POLR2D: variants seen among roughly 807,000 people sequenced by gnomAD.
The protein encoded by POLR2D is RNA polymerase II subunit D.
Under a neutral mutation model 17.6 loss-of-function variants are expected in POLR2D, and 10 were observed. That is an observed-to-expected ratio of 0.57 (90% confidence interval 0.35 to 0.96). POLR2D has a LOEUF of 0.96. Ranked by LOEUF, POLR2D falls within the 40% of genes least tolerant of loss-of-function variation. The pLI, the probability that POLR2D is intolerant of heterozygous loss-of-function variation, is 0.02. For synonymous variants in POLR2D, 52 were observed against 60.2 expected (o/e 0.86, Z 0.63); for missense variants, 126 against 176.4 (o/e 0.71, Z 1.62).
At chr2:127,858,007 T>C (rs745381892) in intron 1 of POLR2D, 21 bp downstream of exon 1, 2 of 1,574,524 alleles carry the variant, frequency 1.3e-6, no homozygotes, top group Non-Finnish European at 1.7e-6. Flanking sequence ...CGCGGGGGAG[T>C]CTGGCAGCCC....
chr2:127,857,766 C>A, intron 1 of POLR2D: 2 of 1,264,994 alleles, frequency 1.6e-6, no homozygotes, highest in East Asian at 6.9e-5. Flanking sequence ...CTGTCCTTAC[C>A]ACCTGAGTGT....
chr2:127,856,790 C>G (rs911481891), intron 1 of POLR2D: 1 of 151,924 alleles, frequency 6.6e-6, no homozygotes, highest in South Asian at 2.1e-4. Flanking sequence ...AATCCCAGCA[C>G]TCTGGGAGGC....
Position 127,858,140 on chromosome 2 carries a change from A to G in POLR2D, c.-40T>C, listed in dbSNP as rs1285134330. 7 of 1,400,870 alleles carry G rather than the reference A, an allele frequency of 5.0e-6. No individual in the cohort carries two copies. The highest frequency in any genetic ancestry group is 6.5e-6 in the Non-Finnish European group (7 of 1,072,196). The allele number at this position is 1,400,870 out of a possible 1,614,324, so 86.8% of individuals were successfully genotyped here. ...GCGCGCCACCACCAGCGCCGCCGGA[A>G]GCAGAAGCGCGGAGCAACGGCCGCG... On this transcript the variant is annotated 5_prime_UTR_variant, in exon 1 of 4. Coordinates refer to ENST00000272645, the MANE Select transcript of POLR2D (RefSeq NM_004805.4).
Position 127,847,850 on chromosome 2 carries a change from C to T in POLR2D, c.*257G>A. On this transcript the variant is annotated 3_prime_UTR_variant, in exon 4 of 4. Coordinates refer to ENST00000272645, the MANE Select transcript of POLR2D (RefSeq NM_004805.4). ...AGTCAACAGTGTGGTTATGTGACCC[C>T]TCATCTCACACTTCGCAGAGGCACG... The T allele has an allele frequency of 2.0e-6, 1 of 498,974 alleles. No individual in the cohort carries two copies. Among genetic ancestry groups the T allele is most frequent in the South Asian group, 2.1e-5 (1 of 46,850 alleles). The allele number at this position is 498,974 out of a possible 1,614,324, so 30.9% of individuals were successfully genotyped here.
Position 127,847,633 on chromosome 2 carries a change from TA to T in POLR2D, c.*473del, listed in dbSNP as rs755224601. 0.068 allele frequency: 9,951 copies of T among 145,616 alleles called. 86 individuals carry two copies. Among genetic ancestry groups the T allele is most frequent in the South Asian group, 0.14 (883 of 6,184 alleles). The allele number at this position is 145,616 out of a possible 1,614,324, so 9.0% of individuals were successfully genotyped here. A position where few individuals can be genotyped will look rare whatever the true frequency, so the allele number is the denominator to read the frequency against. On this transcript the variant is annotated 3_prime_UTR_variant, in exon 4 of 4. Transcript: ENST00000272645. ...CAAGAGTTAAGACCCTATCTCCATT[TA>T]AAAAAAAAAAAAAAAAGCATTTCAA...
intron 3 of POLR2D, among the ~76,000 whole-genome samples, chr2:127,849,138 G>A (rs72848841): frequency 1.3e-5 from 2 of 151,714 alleles, no homozygotes; most frequent in Non-Finnish European, 2.9e-5. Context: ...ATCACCTCTC[G>A]GGTTCCAGTG....
rs397871322 is a variant in POLR2D, at chr2:127,845,373, C to CTTTTTTTTTTTTTTTTTTTTT, written c.*2713_*2733dup. 2 of 113,618 alleles carry CTTTTTTTTTTTTTTTTTTTTT rather than the reference C, an allele frequency of 1.8e-5. No homozygotes were observed. The highest frequency in any genetic ancestry group is 7.6e-5 in the African/African-American group (2 of 26,484). 7.0% of individuals were successfully genotyped at this position (113,618 alleles called of 1,614,324 possible). A position where few individuals can be genotyped will look rare whatever the true frequency, so the allele number is the denominator to read the frequency against. On this transcript the variant is annotated 3_prime_UTR_variant, in exon 4 of 4. Transcript: ENST00000272645. Reference sequence around the variant, plus strand: ...CTGTAGATTTGGGTAAGCAATTTCACTTTTTTTTTTTTTTTTTTTTTGAGA... The same window carrying CTTTTTTTTTTTTTTTTTTTTT: ...CTGTAGATTTGGGTAAGCAATTTCACTTTTTTTTTTTTTTTTTTTTTTTTTTTTTTTTTTTTTTTTTTGAGA...
At position 127,847,238 on chromosome 2, in the gene POLR2D, C is replaced by T. The variant is rs1347839657; in HGVS notation, c.*869G>A. The T allele has an allele frequency of 6.6e-6, 1 of 152,216 alleles. No individual in the cohort carries two copies. The highest frequency in any genetic ancestry group is 2.4e-5 in the African/African-American group (1 of 41,438). The allele number at this position is 152,216 out of a possible 1,614,324, so 9.4% of individuals were successfully genotyped here. The stretch of plus-strand genomic sequence containing the variant: ...CATCTATCTCAAGGGGCTATGGGCT[C>T]CACAATACTTAGCACTTGTCCCCAA... On this transcript the variant is annotated 3_prime_UTR_variant, in exon 4 of 4. Coordinates refer to ENST00000272645, the MANE Select transcript of POLR2D (RefSeq NM_004805.4).
intron 2 of POLR2D, among the ~76,000 whole-genome samples, 160 bp from the exon 3 acceptor site, chr2:127,850,845 G>A (rs116127056): frequency 0.013 from 2,013 of 152,274 alleles, 52 homozygotes; most frequent in African/African-American, 0.047. Context: ...CCAGCACTCT[G>A]AGAGGCCAAG....
chr2:127,856,921 A>G (rs1346600847), intron 1 of POLR2D: 1 of 152,142 alleles, frequency 6.6e-6, no homozygotes, highest in Non-Finnish European at 1.5e-5. Flanking sequence ...CTGTAATCCC[A>G]GCTACTCGGG....
At position 127,852,041 on chromosome 2, in the gene POLR2D, G is replaced by A. The variant is rs1424228391; in HGVS notation, c.254+884C>T. Among the ~76,000 whole-genome samples, 3 of 152,020 alleles carry A rather than the reference G, an allele frequency of 2.0e-5. No individual in the cohort carries two copies. Among genetic ancestry groups the A allele is most frequent in the Non-Finnish European group, 4.4e-5 (3 of 68,000 alleles). ...TGACCGCAAGAGATGTGCCCATCTTGGTCTCCCAAAGTGCTGGAATTACAG... is the reference window on the plus strand; with the variant it reads ...TGACCGCAAGAGATGTGCCCATCTTAGTCTCCCAAAGTGCTGGAATTACAG... On this transcript the variant is annotated intron_variant, in intron 2 of 3. Coordinates refer to ENST00000272645, the MANE Select transcript of POLR2D (RefSeq NM_004805.4). This position sits in a 1 kb window ranked among gnomAD's most constrained non-coding sequence, Gnocchi z 4.0.
At position 127,846,368 on chromosome 2, in the gene POLR2D, A is replaced by C. The variant is rs1050619808; in HGVS notation, c.*1739T>G. On this transcript the variant is annotated 3_prime_UTR_variant, in exon 4 of 4. Transcript: ENST00000272645. ...TCTTTCTCCTTTTTCCTTGGATCAC[A>C]AGTTCATACAGAGTCAAGCAAGTGC... The C allele has an allele frequency of 6.6e-6, 1 of 152,182 alleles. No individual in the cohort carries two copies. The highest frequency in any genetic ancestry group is 2.4e-5 in the African/African-American group (1 of 41,438). 9.4% of individuals were successfully genotyped at this position (152,182 alleles called of 1,614,324 possible). A position where few individuals can be genotyped will look rare whatever the true frequency, so the allele number is the denominator to read the frequency against.
In POLR2D at chr2:127,858,092, C is replaced by A. The variant is rs776417599; in HGVS notation, c.9G>T (p.Ala3=). 6.6e-7 allele frequency: 1 copy of A among 1,504,038 alleles called. No homozygotes were observed. Among genetic ancestry groups the A allele is most frequent in the South Asian group, 1.3e-5 (1 of 79,356 alleles). The allele number at this position is 1,504,038 out of a possible 1,614,324, so 93.2% of individuals were successfully genotyped here. The change falls in exon 1 of 4, where the codon GCG becomes GCT. Residue 3 remains alanine (A), a synonymous_variant. Transcript: ENST00000272645. Reference sequence around the variant, plus strand: ...CGCCAGCCCGCGGATCGCTGCCACCCGCCGCCATCGCCGCGCCGCGCCGCG... The same window carrying A: ...CGCCAGCCCGCGGATCGCTGCCACCAGCCGCCATCGCCGCGCCGCGCCGCG... MA[A]GGSDPRAGDV... is the part of the protein sequence containing the mutation.
intron 3 of POLR2D, among the ~76,000 whole-genome samples, chr2:127,849,613 C>A (rs941466315): frequency 9.9e-5 from 15 of 151,976 alleles, no homozygotes; most frequent in Non-Finnish European, 2.2e-4. Context: ...TTCATTCTGG[C>A]ATATGTTGAT....
intron 3 of POLR2D, 47 bp from the exon 4 acceptor site, chr2:127,848,232 C>T: frequency 1.6e-6 from 2 of 1,237,630 alleles, no homozygotes; most frequent in Non-Finnish European, 2.4e-6. Context: ...CTGGCAATTT[C>T]CCCGCACTCT....
rs1316090293 is a variant in POLR2D, at chr2:127,845,170, T to C, written c.*2937A>G. On this transcript the variant is annotated 3_prime_UTR_variant, in exon 4 of 4. Coordinates refer to ENST00000272645, the MANE Select transcript of POLR2D (RefSeq NM_004805.4). Reference sequence around the variant, plus strand: ...TCTGGGCTGCCTTCCAAGTCTCTTCTTCCCATTCCACTGCTTTAGTGCCAA... The same window carrying C: ...TCTGGGCTGCCTTCCAAGTCTCTTCCTCCCATTCCACTGCTTTAGTGCCAA... 6.6e-6 allele frequency: 1 copy of C among 152,216 alleles called. No individual in the cohort carries two copies. Among genetic ancestry groups the C allele is most frequent in the Non-Finnish European group, 1.5e-5 (1 of 68,080 alleles). The allele number at this position is 152,216 out of a possible 1,614,324, so 9.4% of individuals were successfully genotyped here.
intron 1 of POLR2D, chr2:127,857,781 C>T (rs920252742): frequency 4.6e-6 from 6 of 1,291,864 alleles, no homozygotes; most frequent in Non-Finnish European, 4.9e-6. Flanking sequence ...GAGTGTCCGG[C>T]TTTGTTTATC....
intron 2 of POLR2D, among the ~76,000 whole-genome samples, chr2:127,851,735 TTATC>T (rs748989144): frequency 7.2e-5 from 11 of 152,286 alleles, no homozygotes; most frequent in East Asian, 3.9e-4. Context: ...ACAAATACTA[TTATC>T]TATCTATCTA....
At position 127,856,463 on chromosome 2, in the gene POLR2D, G is replaced by A. The variant is rs375288765; in HGVS notation, c.73+1565C>T. On this transcript the variant is annotated intron_variant, in intron 1 of 3. Transcript: ENST00000272645. ...AAATTAGCTGGGCATGGTGGCAGGC[G>A]CCTGTAGTCCCAGCTACTTGGGAGG... 1.2e-3 allele frequency among the ~76,000 whole-genome samples: 185 copies of A among 151,066 alleles called. 1 individual carries two copies. The highest frequency in any genetic ancestry group is 4.1e-3 in the African/African-American group (169 of 41,206).
Sources: gnomAD v4.1 joint callset for allele counts (sites outside exome capture counted in the v4.1 genomes callset) on GRCh38, gnomAD v4.1.1 for gene constraint, Gnocchi (gnomAD v3.1) non-coding constraint, MANE v1.5 for transcripts, NCBI Gene and HGNC (gene_info 2026-07-23, HGNC 2026-07-21) for gene names.